FHOD3: variants seen among roughly 807,000 people sequenced by gnomAD.
FHOD3 encodes formin homology 2 domain containing 3, also known as FH1/FH2 domain-containing protein 3.
A neutral mutation model predicts 173.0 loss-of-function variants in FHOD3; 90 were observed. The ratio of observed to expected loss-of-function variants is 0.52; its 90% CI spans 0.44 to 0.62. The LOEUF (loss-of-function observed/expected upper bound fraction) is 0.62, where lower values mean the gene tolerates loss of function less well. FHOD3 is among the 20% of genes least tolerant of loss of function. The pLI, the probability that FHOD3 is intolerant of heterozygous loss-of-function variation, is 0.00. For synonymous variants in FHOD3, 828 were observed against 823.0 expected, an observed-to-expected ratio of 1.01 and a Z score of -0.10; for missense variants, 1,945 against 2,034.7, an observed-to-expected ratio of 0.96 and a Z score of 0.85.
intron 14 of FHOD3, among the ~76,000 whole-genome samples, chr18:36,662,023 A>T (rs1224805993): frequency 6.6e-6 from 1 of 152,372 alleles, no homozygotes; most frequent in Admixed American, 6.5e-5. Flanking sequence ...ATAATTTCTA[A>T]ATGTTTTCTT....
At chr18:36,541,249 CAAAAAAAAAAA>C (rs770104487) in intron 5 of FHOD3, among the ~76,000 whole-genome samples, 5 of 40,360 alleles carry the variant, frequency 1.2e-4, no homozygotes, top group South Asian at 9.8e-4. Flanking sequence ...GACTCTGTCT[CAAAAAAAAAAA>C]AAAAAAAAAA....
Position 36,512,548 on chromosome 18 carries a change from G to A in FHOD3, c.511+5G>A. On this transcript the variant is annotated splice_donor_5th_base_variant and intron_variant, in intron 5 of 28. Transcript: ENST00000590592. The stretch of plus-strand genomic sequence containing the variant: ...ATCAGAACTACATCTTAAGGGGTAA[G>A]TCATGACTGGGCATGCAGCAGCTGC... 1 of 1,606,242 alleles carries A rather than the reference G, an allele frequency of 6.2e-7. No homozygotes were observed. The highest frequency in any genetic ancestry group is 8.5e-7 in the Non-Finnish European group (1 of 1,173,178).
At chr18:36,749,962 T>G (rs2042332078) in intron 24 of FHOD3, among the ~76,000 whole-genome samples, 1 of 152,164 alleles carries the variant, frequency 6.6e-6, no homozygotes. Flanking sequence ...TTTTCCATAT[T>G]CTTGTTGGTC....
Position 36,611,511 on chromosome 18 carries a change from T to G in FHOD3, c.814-441T>G, listed in dbSNP as rs73948088. On this transcript the variant is annotated intron_variant, in intron 8 of 28. Transcript: ENST00000590592. The stretch of plus-strand genomic sequence containing the variant: ...GTGGTTGCTCCTGCCTCGAGGCCAG[T>G]GGGATAATCTCTTTCCAGTCCAGCT... 5.3e-3 allele frequency among the ~76,000 whole-genome samples: 813 copies of G among 152,338 alleles called. 10 individuals carry two copies. The highest frequency in any genetic ancestry group is 0.019 in the African/African-American group (772 of 41,580).
chr18:36,450,594 C>T (rs143035493), intron 3 of FHOD3, among the ~76,000 whole-genome samples: 3,300 of 152,002 alleles, frequency 0.022, 118 homozygotes, highest in African/African-American at 0.075. Flanking sequence ...GAGTTCGAGA[C>T]CAGCCTGGGC....
chr18:36,347,142 A>G (rs1423969454), intron 1 of FHOD3, among the ~76,000 whole-genome samples: 2 of 152,222 alleles, frequency 1.3e-5, no homozygotes, highest in South Asian at 2.1e-4. Flanking sequence ...AGCCAGTGAT[A>G]ATAATAATCC....
At chr18:36,762,568 C>T (rs12606822) in intron 27 of FHOD3, among the ~76,000 whole-genome samples, 10,448 of 152,016 alleles carry the variant, frequency 0.069, 393 homozygotes, top group East Asian at 0.17. Context: ...AGGCCGAGGT[C>T]GGTGGATCAC....
At chr18:36,303,127 A>G (rs1226268864) in intron 1 of FHOD3, among the ~76,000 whole-genome samples, 1 of 152,316 alleles carries the variant, frequency 6.6e-6, no homozygotes, top group Non-Finnish European at 1.5e-5. Flanking sequence ...GTCTCCATGT[A>G]TAGCTTTATT....
At chr18:36,720,861 G>A (rs533976835) in intron 19 of FHOD3, among the ~76,000 whole-genome samples, 2 of 152,030 alleles carry the variant, frequency 1.3e-5, no homozygotes, top group Admixed American at 6.5e-5. Flanking sequence ...CGTGGTTCCC[G>A]ATCAGGTTGC....
rs141529970 is a variant in FHOD3 at position 36,728,483 on chromosome 18, G to A, written c.3418-2163G>A. On this transcript the variant is annotated intron_variant, in intron 19 of 28. Transcript: ENST00000590592. ...AAGAGTGGGGAGGCATGTATGCCAC[G>A]TGTCCCTGGGAGCCCAGTGTTCAAA... Among the ~76,000 whole-genome samples the A allele has an allele frequency of 7.6e-3, 1,154 of 152,202 alleles. 9 individuals are homozygous for A. The highest frequency in any genetic ancestry group is 8.5e-3 in the Non-Finnish European group (581 of 68,014).
intron 18 of FHOD3, 166 bp downstream of exon 18, chr18:36,709,557 G>A (rs974434420): frequency 1.4e-6 from 1 of 711,456 alleles, no homozygotes; most frequent in Non-Finnish European, 2.3e-6. Context: ...TGGCCACGCT[G>A]GCAGCCAGCC....
At chr18:36,461,479 C>T (rs2052556211) in intron 3 of FHOD3, among the ~76,000 whole-genome samples, 1 of 150,800 alleles carries the variant, frequency 6.6e-6, no homozygotes, top group African/African-American at 2.4e-5. Context: ...TTCTCCAAAG[C>T]CTTTGAATTT....
intron 3 of FHOD3, among the ~76,000 whole-genome samples, chr18:36,383,592 G>A (rs1430989706): frequency 6.6e-6 from 1 of 152,156 alleles, no homozygotes; most frequent in Admixed American, 6.5e-5. Flanking sequence ...ATTATGATGG[G>A]CAATGTACTT....
intron 10 of FHOD3, among the ~76,000 whole-genome samples, chr18:36,629,326 T>C (rs1408529017): frequency 1.3e-5 from 2 of 152,252 alleles, no homozygotes; most frequent in Non-Finnish European, 2.9e-5. Context: ...CCAGTGACAT[T>C]TTATTTATAG....
intron 2 of FHOD3, among the ~76,000 whole-genome samples, chr18:36,368,668 T>C (rs540245231): frequency 4.1e-4 from 63 of 152,254 alleles, no homozygotes; most frequent in African/African-American, 1.1e-3. Flanking sequence ...GGGTAATTTA[T>C]AAAGGAAAGA....
rs116820854 is a variant in FHOD3 at position 36,620,807 on chromosome 18, T to C, written c.958-4704T>C. On this transcript the variant is annotated intron_variant, in intron 9 of 28. Transcript: ENST00000590592. ...CAGAGTTGGGATTTTTCTTTCTTTC[T>C]GAAAGTTAATGCATCTCAAAAATAT... Among the ~76,000 whole-genome samples the C allele has an allele frequency of 2.8e-3, 424 of 152,370 alleles. 3 individuals are homozygous for C. Among genetic ancestry groups the C allele is most frequent in the African/African-American group, 9.8e-3 (406 of 41,584 alleles).
chr18:36,627,298 G>A (rs918189529), intron 10 of FHOD3, among the ~76,000 whole-genome samples: 4 of 152,172 alleles, frequency 2.6e-5, no homozygotes, highest in Non-Finnish European at 5.9e-5. Context: ...GTAGGAGTTA[G>A]GTGGACCTTG....
intron 3 of FHOD3, among the ~76,000 whole-genome samples, chr18:36,492,841 G>T (rs1218834483): frequency 2.0e-5 from 3 of 152,184 alleles, no homozygotes; most frequent in Non-Finnish European, 4.4e-5. Context: ...GCTTTGGCAT[G>T]TGTGTGTTTT....
At chr18:36,432,403 A>T (rs2050598440) in intron 3 of FHOD3, among the ~76,000 whole-genome samples, 1 of 152,222 alleles carries the variant, frequency 6.6e-6, no homozygotes, top group South Asian at 2.1e-4. Flanking sequence ...GTGGACTAAG[A>T]TATCAGAAAC....
Sources: gnomAD v4.1 joint callset for allele counts (sites outside exome capture counted in the v4.1 genomes callset) on GRCh38, gnomAD v4.1.1 for gene constraint, MANE v1.5 for transcripts, NCBI Gene and HGNC (gene_info 2026-07-23, HGNC 2026-07-21) for gene names.